BACH2: variants seen among roughly 807,000 people sequenced by gnomAD.
BACH2 encodes BACH transcriptional regulator 2.
BACH2 carries 5 observed loss-of-function variants against 61.8 expected under a neutral mutation model. The ratio of observed to expected loss-of-function variants is 0.08; its 90% CI spans 0.04 to 0.17. The LOEUF (loss-of-function observed/expected upper bound fraction) is 0.17, where lower values mean the gene tolerates loss of function less well. Ranked by LOEUF, BACH2 falls within the 10% of genes least tolerant of loss-of-function variation. The pLI, the probability that BACH2 is intolerant of heterozygous loss-of-function variation, is 1.00. For missense variants in BACH2, 824 were observed against 1,091.1 expected (o/e 0.76, Z 3.45); for synonymous variants, 446 against 440.1 (o/e 1.01, Z -0.17).
intron 4 of BACH2, among the ~76,000 whole-genome samples, chr6:90,179,433 C>G (rs756253981): frequency 6.6e-6 from 1 of 152,146 alleles, no homozygotes; most frequent in Non-Finnish European, 1.5e-5. Flanking sequence ...ACCAAAGGTA[C>G]CTTTCTTTTT....
intron 6 of BACH2, among the ~76,000 whole-genome samples, chr6:89,954,806 A>C (rs1774335913): frequency 6.6e-6 from 1 of 152,154 alleles, no homozygotes; most frequent in African/African-American, 2.4e-5. Context: ...AGGCTTAGGA[A>C]ACTTCCTGAG....
At chr6:90,079,971 T>A (rs1385198301) in intron 5 of BACH2, among the ~76,000 whole-genome samples, 4 of 151,766 alleles carry the variant, frequency 2.6e-5, no homozygotes, top group Admixed American at 2.6e-4. Flanking sequence ...GACTTACCAA[T>A]GGGCATTTTC....
intron 3 of BACH2, among the ~76,000 whole-genome samples, chr6:90,213,066 C>A (rs1562507938): frequency 6.6e-6 from 1 of 152,218 alleles, no homozygotes; most frequent in Non-Finnish European, 1.5e-5. Context: ...CAAGAGGTTA[C>A]TTGGCCTGGC....
chr6:90,228,933 G>T (rs1292083372), intron 3 of BACH2, among the ~76,000 whole-genome samples: 1 of 152,132 alleles, frequency 6.6e-6, no homozygotes, highest in East Asian at 1.9e-4. Flanking sequence ...TCCAAGTCAG[G>T]TAGTGAAATG....
At chr6:90,267,498 T>C (rs1384652108) in intron 2 of BACH2, among the ~76,000 whole-genome samples, 1 of 152,192 alleles carries the variant, frequency 6.6e-6, no homozygotes, top group Non-Finnish European at 1.5e-5. Flanking sequence ...TGGAGTATCA[T>C]CTGACATCAT....
At chr6:90,019,060 A>C (rs1778237161) in intron 5 of BACH2, among the ~76,000 whole-genome samples, 1 of 152,172 alleles carries the variant, frequency 6.6e-6, no homozygotes, top group Non-Finnish European at 1.5e-5. Flanking sequence ...TCAAATTATT[A>C]TTCTTTCTCC....
chr6:90,020,014 T>C (rs1393538208), intron 5 of BACH2, among the ~76,000 whole-genome samples: 1 of 152,252 alleles, frequency 6.6e-6, no homozygotes, highest in Non-Finnish European at 1.5e-5. Context: ...TCAAATGGTA[T>C]AATCTAAAAT....
intron 1 of BACH2, among the ~76,000 whole-genome samples, chr6:90,291,582 CT>C (rs529225392): frequency 1.1e-4 from 15 of 135,684 alleles, no homozygotes; most frequent in East Asian, 4.4e-4. Flanking sequence ...CAACTACTGT[CT>C]TTTTTTTTTA....
intron 3 of BACH2, among the ~76,000 whole-genome samples, chr6:90,237,426 C>T (rs1449892228): frequency 6.6e-6 from 1 of 152,140 alleles, no homozygotes; most frequent in African/African-American, 2.4e-5. Flanking sequence ...AGTTTTATTT[C>T]CTCAGTATCT....
At chr6:89,985,532 C>G (rs960652604) in intron 6 of BACH2, among the ~76,000 whole-genome samples, 1 of 152,072 alleles carries the variant, frequency 6.6e-6, no homozygotes, top group African/African-American at 2.4e-5. Context: ...GGGTCATGTC[C>G]CTGAGAGTGA....
intron 2 of BACH2, among the ~76,000 whole-genome samples, chr6:90,253,646 T>A (rs557053915): frequency 3.3e-5 from 5 of 152,308 alleles, no homozygotes; most frequent in African/African-American, 1.2e-4. Context: ...ATTGAAGAGT[T>A]AATTTTCTCC....
At chr6:90,133,166 C>T (rs200807774) in intron 4 of BACH2, among the ~76,000 whole-genome samples, 1 of 152,106 alleles carries the variant, frequency 6.6e-6, no homozygotes, top group African/African-American at 2.4e-5. Flanking sequence ...TTTTCTCTGC[C>T]CACCTCATCC....
chr6:90,280,314 A>G (rs1310822895), intron 1 of BACH2, among the ~76,000 whole-genome samples: 3 of 151,982 alleles, frequency 2.0e-5, no homozygotes, highest in African/African-American at 7.3e-5. Context: ...GTTAGAAAGA[A>G]GAAAATACAA....
intron 4 of BACH2, among the ~76,000 whole-genome samples, chr6:90,097,165 T>C (rs1487596139): frequency 1.3e-5 from 2 of 152,216 alleles, no homozygotes; most frequent in Non-Finnish European, 1.5e-5. Flanking sequence ...AGAAAGAATG[T>C]GGAACAGAGG....
Position 89,932,772 on chromosome 6 carries a change from T to G in BACH2, c.2162A>C (p.Glu721Ala). Residue 721 changes from glutamate (E) to alanine (A), a missense_variant, in exon 9 of 9, where the codon GAG (glutamate) becomes GCG (alanine). Coordinates refer to ENST00000257749, the MANE Select transcript of BACH2 (RefSeq NM_021813.4). ...ATACCGATGCAGGGCCTGGATCTGC[T>G]CGGGGCTCTGGATGTCTCGGCAAAC... is the stretch of plus-strand genomic sequence containing the variant. ...QEVCRDIQSP[E>A]QIQALHRYCP... 6.2e-7 allele frequency: 1 copy of G among 1,613,942 alleles called. No homozygotes were observed. The highest frequency in any genetic ancestry group is 8.5e-7 in the Non-Finnish European group (1 of 1,179,846).
At chr6:90,128,386 T>C (rs1783949414) in intron 4 of BACH2, among the ~76,000 whole-genome samples, 1 of 152,038 alleles carries the variant, frequency 6.6e-6, no homozygotes, top group South Asian at 2.1e-4. Context: ...ATCCAGACCA[T>C]TCTGGCCAAC....
chr6:90,228,607 G>C (rs1277525064), intron 3 of BACH2, among the ~76,000 whole-genome samples: 2 of 152,126 alleles, frequency 1.3e-5, no homozygotes, highest in Non-Finnish European at 2.9e-5. Context: ...AAATTAGCCA[G>C]GCTTGGTGGC....
chr6:90,081,314 C>G (rs764012035), intron 5 of BACH2, among the ~76,000 whole-genome samples: 3 of 152,090 alleles, frequency 2.0e-5, no homozygotes, highest in Non-Finnish European at 4.4e-5. Context: ...AGGAAGGCGG[C>G]CAAATCGAAA....
intron 5 of BACH2, among the ~76,000 whole-genome samples, chr6:90,020,697 G>T (rs938996106): frequency 5.9e-5 from 9 of 152,064 alleles, no homozygotes; most frequent in African/African-American, 2.2e-4. Context: ...GCTTTTGACT[G>T]GCCAATGCCA....
Sources: gnomAD v4.1 joint callset for allele counts (sites outside exome capture counted in the v4.1 genomes callset) on GRCh38, gnomAD v4.1.1 for gene constraint, MANE v1.5 for transcripts, NCBI Gene and HGNC (gene_info 2026-07-23, HGNC 2026-07-21) for gene names.